The following UTRN variants were observed in gnomAD, a reference collection of about 807,000 sequenced individuals.
The protein encoded by UTRN is dystrophin-related protein 1.
In UTRN, 283 loss-of-function variants were observed where a neutral mutation model predicts 463.9. The ratio of observed to expected loss-of-function variants is 0.61; its 90% confidence interval spans 0.55 to 0.67. The LOEUF is 0.67. Among genes scored for constraint, UTRN ranks in the 30% least tolerant of loss-of-function variants. The probability of loss-of-function intolerance (pLI) is 0.00; values close to 1 mark genes in which losing one functional copy is unlikely to be tolerated. For synonymous variants in UTRN, 1,442 were observed against 1,431.5 expected (o/e 1.01, Z -0.17); for missense variants, 3,922 against 4,084.3 (o/e 0.96, Z 1.08).
intron 53 of UTRN, among the ~76,000 whole-genome samples, chr6:144,707,899 T>G (rs547279764): frequency 6.6e-6 from 1 of 152,270 alleles, no homozygotes; most frequent in South Asian, 2.1e-4. Flanking sequence ...ATAGAAAATT[T>G]CAATAAGGTT....
intron 51 of UTRN, among the ~76,000 whole-genome samples, chr6:144,589,010 G>C (rs922712911): frequency 6.6e-6 from 1 of 152,136 alleles, no homozygotes; most frequent in Admixed American, 6.6e-5. Flanking sequence ...GTTCAGTTCT[G>C]TGGAACTCTA....
At chr6:144,630,758 G>A (rs1167632453) in intron 51 of UTRN, among the ~76,000 whole-genome samples, 1 of 152,076 alleles carries the variant, frequency 6.6e-6, no homozygotes, top group Non-Finnish European at 1.5e-5. Context: ...CCATTAATAT[G>A]TTTCCTCGGT....
At chr6:144,736,694 G>T (rs915194778) in intron 54 of UTRN, among the ~76,000 whole-genome samples, 2 of 152,146 alleles carry the variant, frequency 1.3e-5, no homozygotes, top group African/African-American at 2.4e-5. Context: ...ACTGCCCGTA[G>T]TGCATGCCAT....
chr6:144,483,556 C>A (rs1403670260), intron 27 of UTRN, among the ~76,000 whole-genome samples: 2 of 152,164 alleles, frequency 1.3e-5, no homozygotes, highest in African/African-American at 4.8e-5. Flanking sequence ...GACCTTCCTG[C>A]CCCCGCTTCC....
At position 144,511,127 on chromosome 6, in the gene UTRN, T is replaced by C. The variant is rs779506616; in HGVS notation, c.4944+4T>C. 5 of 1,535,690 alleles carry C rather than the reference T, an allele frequency of 3.3e-6. No homozygotes were observed. The highest frequency in any genetic ancestry group is 2.4e-5 in the South Asian group (2 of 81,686). ...AGATTGGTGCAATACCTTGATGGTA[T>C]GTCTCAGGAAAAAGTAAATGATGAA... On this transcript the variant is annotated splice_donor_region_variant and intron_variant, in intron 35 of 74. Transcript: ENST00000367545.
intron 46 of UTRN, among the ~76,000 whole-genome samples, chr6:144,543,353 A>G (rs754151427): frequency 1.3e-5 from 2 of 152,224 alleles, no homozygotes; most frequent in Non-Finnish European, 2.9e-5. Context: ...GGAGACAAAT[A>G]CTTCTCACTT....
intron 52 of UTRN, among the ~76,000 whole-genome samples, chr6:144,695,285 A>G (rs758095219): frequency 4.7e-4 from 71 of 152,152 alleles, no homozygotes; most frequent in Non-Finnish European, 8.2e-4. Flanking sequence ...TATGTGGCTC[A>G]ATACCATAGG....
At position 144,490,948 on chromosome 6, in the gene UTRN, C is replaced by G. The variant is rs1052345142; in HGVS notation, c.4283C>G (p.Ser1428Cys). The G allele has an allele frequency of 1.2e-6, 2 of 1,604,346 alleles. No individual in the cohort carries two copies. The highest frequency in any genetic ancestry group is 1.7e-6 in the Non-Finnish European group (2 of 1,175,398). ...AAACAGAGGAAACTCCGAGAGGTGTCCACAAAGTTCCAGCTTTTCCAGAAG... is the reference window on the plus strand; with the variant it reads ...AAACAGAGGAAACTCCGAGAGGTGTGCACAAAGTTCCAGCTTTTCCAGAAG... Reference protein sequence around the residue: ...DVLQRKLREVSTKFQLFQKPA... With the variant: ...DVLQRKLREVCTKFQLFQKPA... The change falls in exon 32 of 75, where the codon TCC becomes TGC. Residue 1428 changes from serine to cysteine, a missense_variant. Ser to Cys is a moderately radical substitution (Grantham distance 112). This residue lies in a region of UTRN where 2,349 missense variants were observed against 2,303.8 expected (regional missense o/e 1.02). Transcript: ENST00000367545.
chr6:144,734,019 A>G (rs1371427833), intron 54 of UTRN, among the ~76,000 whole-genome samples: 4 of 152,178 alleles, frequency 2.6e-5, no homozygotes, highest in Admixed American at 2.6e-4. Flanking sequence ...AGTAAATAAG[A>G]GGTATAAAGA....
intron 9 of UTRN, among the ~76,000 whole-genome samples, chr6:144,432,819 A>G (rs1786006049): frequency 6.6e-6 from 1 of 152,140 alleles, no homozygotes; most frequent in Admixed American, 6.5e-5. Context: ...TTTCCTAGGC[A>G]GAGGACCCTG....
chr6:144,403,102 C>G, intron 2 of UTRN, 21 bp from the exon 3 acceptor site: 1 of 1,609,446 alleles, frequency 6.2e-7, no homozygotes, highest in Non-Finnish European at 8.5e-7. Context: ...TTTTCCTTCT[C>G]TTTCTTTTTC....
chr6:144,583,402 C>T, intron 51 of UTRN: 1 of 600,890 alleles, frequency 1.7e-6, no homozygotes, highest in Non-Finnish European at 3.1e-6. Flanking sequence ...GCTCAGAGAA[C>T]TGACAAATCA....
chr6:144,352,889 T>C (rs1449060763), intron 2 of UTRN, among the ~76,000 whole-genome samples: 1 of 152,202 alleles, frequency 6.6e-6, no homozygotes, highest in Non-Finnish European at 1.5e-5. Flanking sequence ...ACTGTCAGCA[T>C]TGATTTTCCA....
intron 51 of UTRN, among the ~76,000 whole-genome samples, chr6:144,652,204 T>G (rs997881545): frequency 6.6e-6 from 1 of 152,194 alleles, no homozygotes; most frequent in Non-Finnish European, 1.5e-5. Flanking sequence ...GTGGCTGATG[T>G]CAGTGTCAGA....
intron 60 of UTRN, among the ~76,000 whole-genome samples, chr6:144,781,103 A>G (rs891869824): frequency 6.6e-6 from 1 of 151,990 alleles, no homozygotes; most frequent in African/African-American, 2.4e-5. Flanking sequence ...TCCTGTGCAC[A>G]CCCTCCTGGC....
intron 54 of UTRN, among the ~76,000 whole-genome samples, chr6:144,732,523 T>C (rs1346834121): frequency 6.6e-6 from 1 of 151,994 alleles, no homozygotes; most frequent in Non-Finnish European, 1.5e-5. Flanking sequence ...TTTAGTCTAC[T>C]ACTGATAAGT....
intron 64 of UTRN, among the ~76,000 whole-genome samples, chr6:144,802,480 C>A (rs1777781341): frequency 6.6e-6 from 1 of 152,182 alleles, no homozygotes; most frequent in Admixed American, 6.6e-5. Context: ...GTTTTCCACT[C>A]AGACCCATAG....
chr6:144,736,491 T>C (rs1376174038), intron 54 of UTRN, among the ~76,000 whole-genome samples: 2 of 152,208 alleles, frequency 1.3e-5, no homozygotes, highest in Non-Finnish European at 2.9e-5. Flanking sequence ...TTACTAATTA[T>C]CTTATACTGT....
chr6:144,841,008 C>A (rs1781527852), intron 73 of UTRN, among the ~76,000 whole-genome samples, 176 bp downstream of exon 73: 1 of 152,170 alleles, frequency 6.6e-6, no homozygotes, highest in Non-Finnish European at 1.5e-5. Flanking sequence ...AACCTAGATA[C>A]TATCAAGTAA....
Sources: gnomAD v4.1 joint callset for allele counts (sites outside exome capture counted in the v4.1 genomes callset) on GRCh38, gnomAD v4.1.1 for gene constraint, gnomAD v4.1.1 regional missense constraint, MANE v1.5 for transcripts, NCBI Gene and HGNC (gene_info 2026-07-23, HGNC 2026-07-21) for gene names.